The following USP48 variants were observed in gnomAD, a reference collection of about 807,000 sequenced individuals.
The protein encoded by USP48 is ubiquitin carboxyl-terminal hydrolase 48.
In USP48, 43 loss-of-function variants were observed where a neutral mutation model predicts 150.7. That is an observed-to-expected ratio of 0.29 (90% confidence interval 0.22 to 0.37). The LOEUF (loss-of-function observed/expected upper bound fraction) is 0.37, where lower values mean the gene tolerates loss of function less well. Ranked by LOEUF, USP48 falls within the 10% of genes least tolerant of loss-of-function variation. USP48 has a pLI of 1.00. For synonymous variants in USP48, 396 were observed against 425.9 expected (o/e 0.93, Z 0.86); for missense variants, 813 against 1,249.6 (o/e 0.65, Z 5.27).
chr1:21,764,654 C>A (rs1006170750), intron 1 of USP48, among the ~76,000 whole-genome samples: 2 of 147,120 alleles, frequency 1.4e-5, no homozygotes, highest in African/African-American at 5.2e-5. Flanking sequence ...TGCAGTGAGC[C>A]GAGATCGTGA....
chr1:21,762,610 G>C (rs889552540), intron 1 of USP48, among the ~76,000 whole-genome samples: 1 of 152,144 alleles, frequency 6.6e-6, no homozygotes, highest in African/African-American at 2.4e-5. Context: ...GCTCACGCCT[G>C]TAATCCCAGC....
chr1:21,705,018 G>A (rs78730554), intron 19 of USP48, among the ~76,000 whole-genome samples: 3,144 of 152,176 alleles, frequency 0.021, 42 homozygotes, highest in Middle Eastern at 0.048. Flanking sequence ...AAGGCGGGAT[G>A]CAGAGAGGGA....
intron 11 of USP48, 145 bp downstream of exon 11, chr1:21,728,425 T>G (rs2097745821): frequency 1.4e-6 from 2 of 1,435,940 alleles, no homozygotes; most frequent in African/African-American, 2.9e-5. Flanking sequence ...ATTGTTGGTT[T>G]ACAAAGTACT....
At chr1:21,703,678 C>T (rs2097663962) in intron 20 of USP48, 60 bp from the exon 21 acceptor site, 1 of 1,254,728 alleles carries the variant, frequency 8.0e-7, no homozygotes, top group Non-Finnish European at 1.1e-6. Flanking sequence ...GTTAAAGAAT[C>T]AAAGATCTAA....
At chr1:21,721,314 T>G (rs2097720272) in intron 13 of USP48, 148 bp from the exon 14 acceptor site, 2 of 1,161,330 alleles carry the variant, frequency 1.7e-6, no homozygotes, top group Admixed American at 2.8e-5. Flanking sequence ...CTTCCTAATT[T>G]CGGTCATTTT....
intron 1 of USP48, among the ~76,000 whole-genome samples, chr1:21,763,123 C>G (rs1223166432): frequency 6.6e-6 from 1 of 152,148 alleles, no homozygotes; most frequent in East Asian, 1.9e-4. Flanking sequence ...CTAAATATTA[C>G]CACAATAAGA....
intron 22 of USP48, among the ~76,000 whole-genome samples, chr1:21,700,892 C>T (rs1003255171): frequency 9.2e-5 from 14 of 151,684 alleles, no homozygotes; most frequent in Non-Finnish European, 1.5e-4. Context: ...GGTGAAACCC[C>T]GTCTCCATTA....
At chr1:21,731,882 A>G (rs529107391) in intron 9 of USP48, among the ~76,000 whole-genome samples, 5 of 151,910 alleles carry the variant, frequency 3.3e-5, no homozygotes, top group East Asian at 2.0e-4. Context: ...AGAAAAAACA[A>G]AAGGAATGAA....
chr1:21,704,312 A>G lies in USP48; in HGVS notation c.2465T>C (p.Ile822Thr), dbSNP rs760428892. ...VVDHVIKITR[I>T]EVGDVNPSET... ...TGAAGGGTTTACATCTCCCACTTCAATTCTCGTGATTTTAATTACATGATC... is the reference window on the plus strand; with the variant it reads ...TGAAGGGTTTACATCTCCCACTTCAGTTCTCGTGATTTTAATTACATGATC... The change falls in exon 20 of 27, where the codon ATT becomes ACT. Residue 822 changes from isoleucine to threonine, a missense_variant. By Grantham distance (89) the Ile-to-Thr change is moderately conservative. Coordinates refer to ENST00000308271, the MANE Select transcript of USP48 (RefSeq NM_032236.8). 6.2e-7 allele frequency: 1 copy of G among 1,613,872 alleles called. No homozygotes were observed. Among genetic ancestry groups the G allele is most frequent in the South Asian group, 1.1e-5 (1 of 91,022 alleles).
At chr1:21,774,470 C>T (rs10753519) in intron 1 of USP48, among the ~76,000 whole-genome samples, 88,484 of 151,666 alleles carry the variant, frequency 0.58, 27,112 homozygotes, top group Admixed American at 0.71. Context: ...GGGCAGATCG[C>T]GAGGTCAGGA....
chr1:21,708,856 G>C (rs1364136282), intron 15 of USP48, among the ~76,000 whole-genome samples: 1 of 125,442 alleles, frequency 8.0e-6, no homozygotes, highest in Non-Finnish European at 1.6e-5. Context: ...TTGTAATCCA[G>C]CCTGGGTGAC....
rs2097674797 is a variant in USP48, at chr1:21,707,084, C to T, written c.1964-216G>A. On this transcript the variant is annotated intron_variant, in intron 15 of 26. Transcript: ENST00000308271. ...GAGGTAGCCATTAACCTCAATTTTACGTCCTTAATCTAGGTCTGTGATTGA... is the reference window on the plus strand; with the variant it reads ...GAGGTAGCCATTAACCTCAATTTTATGTCCTTAATCTAGGTCTGTGATTGA... Among the ~76,000 whole-genome samples, 3 of 152,016 alleles carry T rather than the reference C, an allele frequency of 2.0e-5. No individual in the cohort carries two copies. In the South Asian group the frequency reaches 6.2e-4, roughly 32 times the overall value.
intron 11 of USP48, among the ~76,000 whole-genome samples, chr1:21,726,866 G>T (rs2097738946): frequency 6.6e-6 from 1 of 151,798 alleles, no homozygotes; most frequent in Non-Finnish European, 1.5e-5. Context: ...GGAGATACCG[G>T]ACTATATGAA....
chr1:21,742,748 A>T (rs2097785145), intron 8 of USP48, among the ~76,000 whole-genome samples: 3 of 152,284 alleles, frequency 2.0e-5, no homozygotes, highest in Admixed American at 1.3e-4. Context: ...ATCATACCTA[A>T]CCAGCAGAGG....
At chr1:21,735,937 T>C (rs946257316) in intron 9 of USP48, among the ~76,000 whole-genome samples, 6 of 150,472 alleles carry the variant, frequency 4.0e-5, no homozygotes, top group African/African-American at 1.2e-4. Flanking sequence ...TAGCTGAGCA[T>C]TGTGGCACAT....
chr1:21,747,779 G>C (rs2097798461), intron 7 of USP48, among the ~76,000 whole-genome samples: 1 of 151,796 alleles, frequency 6.6e-6, no homozygotes, highest in Non-Finnish European at 1.5e-5. Flanking sequence ...CACCATGTTG[G>C]CCCGGCTGAT....
chr1:21,729,629 C>T, intron 10 of USP48, 75 bp downstream of exon 10: 1 of 1,527,288 alleles, frequency 6.5e-7, no homozygotes, highest in Non-Finnish European at 8.9e-7. Flanking sequence ...TAAAAGCAAT[C>T]CATTACTTAT....
rs369899342 is a variant in USP48, at chr1:21,781,007, T to C, written c.134+1817A>G. Among the ~76,000 whole-genome samples the C allele has an allele frequency of 1.0e-3, 154 of 151,000 alleles. 3 individuals are homozygous for C. Among genetic ancestry groups the C allele is most frequent in the African/African-American group, 3.5e-3 (147 of 41,416 alleles). On this transcript the variant is annotated intron_variant, in intron 1 of 26. Coordinates refer to ENST00000308271, the MANE Select transcript of USP48 (RefSeq NM_032236.8). ...CGCCCATCTCGGCCTCCCAAAGTGC[T>C]GGGATTACAGGCATGAGCCACCGCA...
intron 8 of USP48, among the ~76,000 whole-genome samples, chr1:21,740,415 A>T (rs944749679): frequency 6.6e-6 from 1 of 152,260 alleles, no homozygotes; most frequent in South Asian, 2.1e-4. Flanking sequence ...GGAAATGGTA[A>T]GAGAAAATTA....
Sources: gnomAD v4.1 joint callset for allele counts (sites outside exome capture counted in the v4.1 genomes callset) on GRCh38, gnomAD v4.1.1 for gene constraint, MANE v1.5 for transcripts, NCBI Gene and HGNC (gene_info 2026-07-23, HGNC 2026-07-21) for gene names.